FRMD4A: variants seen among roughly 807,000 people sequenced by gnomAD.
FRMD4A encodes the protein FERM domain-containing protein 4A.
FRMD4A carries 29 observed loss-of-function variants against 129.1 expected under a neutral mutation model. That is an observed-to-expected ratio of 0.22 (90% CI 0.17 to 0.31). The LOEUF is 0.31. FRMD4A is among the 10% of genes least tolerant of loss of function. FRMD4A has a pLI of 1.00. For synonymous variants in FRMD4A, 634 were observed against 571.6 expected (o/e 1.11, Z -1.56); for missense variants, 1,272 against 1,375.8 (o/e 0.92, Z 1.19).
intron 2 of FRMD4A, among the ~76,000 whole-genome samples, chr10:14,242,587 C>G (rs577688241): frequency 6.6e-6 from 1 of 152,174 alleles, no homozygotes; most frequent in African/African-American, 2.4e-5. Flanking sequence ...AAACCTATGC[C>G]TCTAGTGCAT....
At chr10:13,840,286 T>C (rs7086243) in intron 3 of FRMD4A, among the ~76,000 whole-genome samples, 122,870 of 152,014 alleles carry the variant, frequency 0.81, 49,914 homozygotes, top group East Asian at 0.96. Context: ...GATACTCCAG[T>C]ATACAGGAAA....
chr10:13,656,527 G>C (rs143264944), intron 22 of FRMD4A, 109 bp downstream of exon 22: 2 of 1,204,442 alleles, frequency 1.7e-6, no homozygotes, highest in African/African-American at 3.2e-5. Flanking sequence ...AATGATTCCC[G>C]TTCCTCACTG....
chr10:14,104,757 G>A (rs1349219427), intron 2 of FRMD4A, among the ~76,000 whole-genome samples: 3 of 152,228 alleles, frequency 2.0e-5, no homozygotes, highest in Non-Finnish European at 4.4e-5. Flanking sequence ...TGAAGCTGGC[G>A]ATTTCGTGTG....
intron 2 of FRMD4A, among the ~76,000 whole-genome samples, chr10:14,080,143 C>T (rs1588927647): frequency 6.6e-6 from 1 of 152,170 alleles, no homozygotes; most frequent in African/African-American, 2.4e-5. Context: ...GGCTAGTGGG[C>T]CAGCCCCTGG....
intron 2 of FRMD4A, chr10:13,891,687 G>C: frequency 1.0e-6 from 1 of 985,204 alleles, no homozygotes; most frequent in Non-Finnish European, 1.2e-6. Context: ...TGGTACCCCG[G>C]AACGGGCGTC....
At chr10:14,290,178 C>A (rs1295014635) in intron 2 of FRMD4A, among the ~76,000 whole-genome samples, 1 of 151,998 alleles carries the variant, frequency 6.6e-6, no homozygotes, top group African/African-American at 2.4e-5. Context: ...AAATTTATTG[C>A]AATCCCTATC....
At chr10:14,198,520 C>T (rs187747604) in intron 2 of FRMD4A, among the ~76,000 whole-genome samples, 33 of 152,324 alleles carry the variant, frequency 2.2e-4, no homozygotes, top group Non-Finnish European at 3.1e-4. Context: ...GAGGAGCAAG[C>T]CAATTTCACA....
intron 2 of FRMD4A, among the ~76,000 whole-genome samples, chr10:13,865,783 A>C (rs1466261449): frequency 6.6e-6 from 1 of 152,128 alleles, no homozygotes; most frequent in Non-Finnish European, 1.5e-5. Context: ...ATTGATCCTG[A>C]ACCCAGAAAA....
intron 2 of FRMD4A, among the ~76,000 whole-genome samples, chr10:14,089,461 C>T (rs535319148): frequency 2.0e-5 from 3 of 152,206 alleles, no homozygotes; most frequent in South Asian, 2.1e-4. Flanking sequence ...CCGCCCTCCC[C>T]GCAGCATGCT....
At chr10:13,772,245 C>T (rs2092479724) in intron 6 of FRMD4A, among the ~76,000 whole-genome samples, 1 of 143,256 alleles carries the variant, frequency 7.0e-6, no homozygotes, top group Admixed American at 6.9e-5. Flanking sequence ...ATAAAGAGTT[C>T]ATAGCTAATC....
intron 3 of FRMD4A, among the ~76,000 whole-genome samples, chr10:13,845,286 AG>A (rs2094027671): frequency 6.6e-6 from 1 of 152,140 alleles, no homozygotes; most frequent in African/African-American, 2.4e-5. Flanking sequence ...ATGGCGTTGG[AG>A]GGATGAGCAG....
Position 14,143,554 on chromosome 10 carries a change from G to A in FRMD4A, c.45+186504C>T, listed in dbSNP as rs140163801. ...TGGGGTGATAGCAGCGCAACAATGC[G>A]AATGTATTTAATGCCACTGAATTAT... On this transcript the variant is annotated intron_variant, in intron 2 of 24. Coordinates refer to ENST00000357447, the MANE Select transcript of FRMD4A (RefSeq NM_018027.5). Among the ~76,000 whole-genome samples the A allele has an allele frequency of 7.9e-5, 12 of 152,336 alleles. No individual in the cohort carries two copies. The East Asian group carries it at 1.3e-3, about 17-fold the overall frequency.
chr10:13,938,689 T>A (rs535170654), intron 2 of FRMD4A, among the ~76,000 whole-genome samples: 1 of 152,308 alleles, frequency 6.6e-6, no homozygotes, highest in East Asian at 1.9e-4. Flanking sequence ...CCACTAGGGG[T>A]GATTTTGCAC....
At chr10:14,280,674 T>C (rs2132059971) in intron 2 of FRMD4A, among the ~76,000 whole-genome samples, 1 of 152,324 alleles carries the variant, frequency 6.6e-6, no homozygotes, top group South Asian at 2.1e-4. Context: ...GAAAACACCT[T>C]GGTCTTTGTA....
At chr10:13,942,641 A>G (rs1305864301) in intron 2 of FRMD4A, among the ~76,000 whole-genome samples, 1 of 152,226 alleles carries the variant, frequency 6.6e-6, no homozygotes, top group Non-Finnish European at 1.5e-5. Context: ...AAAAGTTTTA[A>G]AAAAGAGATC....
intron 2 of FRMD4A, among the ~76,000 whole-genome samples, chr10:14,054,094 A>C (rs1834392725): frequency 6.6e-6 from 1 of 151,788 alleles, no homozygotes; most frequent in African/African-American, 2.4e-5. Context: ...GAGCCAAGGA[A>C]TTTGAGGCTG....
chr10:14,252,917 CCTT>C (rs541240365), intron 2 of FRMD4A, among the ~76,000 whole-genome samples: 2 of 152,250 alleles, frequency 1.3e-5, no homozygotes, highest in South Asian at 4.1e-4. Context: ...AAAAGCTTTC[CCTT>C]CTTCTCCATT....
chr10:14,140,702 T>C (rs1196406554), intron 2 of FRMD4A, among the ~76,000 whole-genome samples: 4 of 152,192 alleles, frequency 2.6e-5, no homozygotes, highest in Admixed American at 1.3e-4. Context: ...TGGATCCATC[T>C]TCCCTCTATA....
intron 4 of FRMD4A, among the ~76,000 whole-genome samples, chr10:13,807,658 T>G (rs2093378165): frequency 6.6e-6 from 1 of 152,200 alleles, no homozygotes; most frequent in Admixed American, 6.5e-5. Context: ...TTAGAGAAAT[T>G]TCCAATTTCC....
Sources: gnomAD v4.1 joint callset for allele counts (sites outside exome capture counted in the v4.1 genomes callset) on GRCh38, gnomAD v4.1.1 for gene constraint, MANE v1.5 for transcripts, NCBI Gene and HGNC (gene_info 2026-07-23, HGNC 2026-07-21) for gene names.